CADM2: variants seen among roughly 807,000 people sequenced by gnomAD.
CADM2 encodes cell adhesion molecule 2, also known as immunoglobulin superfamily member 4D.
Under a neutral mutation model 49.8 loss-of-function variants are expected in CADM2, and 12 were observed. That is an observed-to-expected ratio of 0.24 (90% confidence interval 0.15 to 0.39). The LOEUF (loss-of-function observed/expected upper bound fraction) is 0.39, where lower values mean the gene tolerates loss of function less well. CADM2 is among the 10% of genes least tolerant of loss of function. The pLI is 1.00. For synonymous variants in CADM2, 214 were observed against 175.4 expected (o/e 1.22, Z -1.74); for missense variants, 378 against 492.3 (o/e 0.77, Z 2.20).
At chr3:85,567,246 C>A (rs1248637819) in intron 1 of CADM2, among the ~76,000 whole-genome samples, 1 of 152,152 alleles carries the variant, frequency 6.6e-6, no homozygotes, top group Admixed American at 6.5e-5. Flanking sequence ...GCTGCATTAT[C>A]GAGCAGATGG....
intron 1 of CADM2, among the ~76,000 whole-genome samples, chr3:85,136,225 T>A (rs2039410415): frequency 6.6e-6 from 1 of 151,878 alleles, no homozygotes; most frequent in East Asian, 1.9e-4. Context: ...ATAAAATAAA[T>A]AACTAGGAAA....
intron 1 of CADM2, among the ~76,000 whole-genome samples, chr3:85,117,807 TA>T: frequency 6.6e-6 from 1 of 152,290 alleles, no homozygotes; most frequent in Admixed American, 6.5e-5. Flanking sequence ...TTTCACTGGT[TA>T]TTTTCTTCCT....
intron 1 of CADM2, among the ~76,000 whole-genome samples, chr3:85,229,870 T>C (rs946269332): frequency 2.6e-5 from 4 of 152,228 alleles, no homozygotes; most frequent in Non-Finnish European, 5.9e-5. Context: ...TACATTTTGA[T>C]TCTGGCAACT....
intron 5 of CADM2, among the ~76,000 whole-genome samples, chr3:85,887,577 T>C (rs538242175): frequency 1.3e-5 from 2 of 152,300 alleles, no homozygotes; most frequent in African/African-American, 4.8e-5. Context: ...AAGGTCCTTA[T>C]CCATAATTTT....
At chr3:85,645,992 A>G (rs193151375) in intron 1 of CADM2, among the ~76,000 whole-genome samples, 1 of 152,134 alleles carries the variant, frequency 6.6e-6, no homozygotes, top group African/African-American at 2.4e-5. Flanking sequence ...GGACAGTAAA[A>G]TATTTAAAGC....
At chr3:85,452,576 C>CA (rs1183137648) in intron 1 of CADM2, among the ~76,000 whole-genome samples, 89 of 151,342 alleles carry the variant, frequency 5.9e-4, no homozygotes, top group Admixed American at 1.7e-3. Flanking sequence ...ACAACAACAA[C>CA]AACAAAAAAG....
At chr3:85,344,238 G>C (rs1264557992) in intron 1 of CADM2, among the ~76,000 whole-genome samples, 1 of 151,544 alleles carries the variant, frequency 6.6e-6, no homozygotes, top group African/African-American at 2.4e-5. Flanking sequence ...AAAATTAGCT[G>C]GGCGTGGTGG....
chr3:85,514,150 G>A (rs1000333969), intron 1 of CADM2, among the ~76,000 whole-genome samples: 2 of 151,758 alleles, frequency 1.3e-5, no homozygotes, highest in African/African-American at 4.8e-5. Context: ...GTTCTTGGAG[G>A]ATTAATGAAA....
chr3:85,846,436 C>A, intron 3 of CADM2, among the ~76,000 whole-genome samples: 1 of 152,110 alleles, frequency 6.6e-6, no homozygotes, highest in East Asian at 1.9e-4. Context: ...ATGCCAATTC[C>A]TAACTCTCCA....
chr3:85,764,343 T>C (rs1035334722), intron 2 of CADM2, among the ~76,000 whole-genome samples: 5 of 152,050 alleles, frequency 3.3e-5, no homozygotes, highest in African/African-American at 1.2e-4. Context: ...GAATTATCAA[T>C]TATCAGCAAT....
At chr3:85,485,871 T>C (rs1274960302) in intron 1 of CADM2, among the ~76,000 whole-genome samples, 1 of 152,094 alleles carries the variant, frequency 6.6e-6, no homozygotes, top group African/African-American at 2.4e-5. Flanking sequence ...GATGAGTATG[T>C]GGTAATACAA....
chr3:85,442,610 A>G (rs879817894), intron 1 of CADM2, among the ~76,000 whole-genome samples: 11 of 96,126 alleles, frequency 1.1e-4, no homozygotes, highest in Admixed American at 2.1e-4. Context: ...ATATATATAT[A>G]TATATATATA....
intron 7 of CADM2, among the ~76,000 whole-genome samples, chr3:85,942,253 G>C (rs1301026390): frequency 1.3e-5 from 2 of 151,898 alleles, no homozygotes; most frequent in Non-Finnish European, 2.9e-5. Flanking sequence ...CCCTACAAGA[G>C]CTCCTGAAGG....
chr3:85,425,818 G>T lies in CADM2; in HGVS notation c.62-300704G>T, dbSNP rs2036376038. Among the ~76,000 whole-genome samples, 7 of 152,286 alleles carry T rather than the reference G, an allele frequency of 4.6e-5. No individual in the cohort carries two copies. In the South Asian group the frequency reaches 1.5e-3, roughly 32 times the overall value. On this transcript the variant is annotated intron_variant, in intron 1 of 9. Coordinates refer to ENST00000383699, the MANE Select transcript of CADM2 (RefSeq NM_001167675.2). ...CCATCGCCATTGTGGAGGCTGTGAA[G>T]GCCCTGAGCTCTGGGAGCCCACCAT...
At chr3:85,401,864 A>G (rs2035128108) in intron 1 of CADM2, among the ~76,000 whole-genome samples, 1 of 152,134 alleles carries the variant, frequency 6.6e-6, no homozygotes, top group South Asian at 2.1e-4. Flanking sequence ...TGCCAAACAC[A>G]GAACAGTCAC....
In CADM2 at chr3:85,007,117, C is replaced by T. The variant is rs75738553; in HGVS notation, c.61+47449C>T. ...CTATCTCTTTTGGAGGTAAAAAGGA[C>T]ATAAAATATTAAGAAATAAGGAAAA... On this transcript the variant is annotated intron_variant, in intron 1 of 9. Transcript: ENST00000383699. 4.7e-3 allele frequency among the ~76,000 whole-genome samples: 716 copies of T among 151,994 alleles called. 5 individuals carry two copies. Among genetic ancestry groups the T allele is most frequent in the African/African-American group, 0.017 (689 of 41,472 alleles).
chr3:85,143,241 C>T (rs373156326), intron 1 of CADM2, among the ~76,000 whole-genome samples: 2 of 152,144 alleles, frequency 1.3e-5, no homozygotes, highest in South Asian at 2.1e-4. Flanking sequence ...TTAGCACTTT[C>T]GGGGGCCAAG....
At chr3:85,548,264 C>T (rs1226453434) in intron 1 of CADM2, among the ~76,000 whole-genome samples, 1 of 47,370 alleles carries the variant, frequency 2.1e-5, no homozygotes, top group African/African-American at 3.7e-5. Flanking sequence ...ATTTAATCCT[C>T]ACATTTATCC....
chr3:86,029,877 C>T (rs1734354366), intron 8 of CADM2, among the ~76,000 whole-genome samples: 1 of 151,916 alleles, frequency 6.6e-6, no homozygotes, highest in Admixed American at 6.6e-5. Context: ...AATCCACAGT[C>T]AAGGATAAAA....
Sources: gnomAD v4.1 joint callset for allele counts (sites outside exome capture counted in the v4.1 genomes callset) on GRCh38, gnomAD v4.1.1 for gene constraint, MANE v1.5 for transcripts, NCBI Gene and HGNC (gene_info 2026-07-23, HGNC 2026-07-21) for gene names.